CREB5: variants seen among roughly 807,000 people sequenced by gnomAD.
The protein encoded by CREB5 is cAMP responsive element binding protein 5.
Under a neutral mutation model 57.1 loss-of-function variants are expected in CREB5, and 19 were observed. The ratio of observed to expected loss-of-function variants is 0.33; its 90% CI spans 0.23 to 0.49. The LOEUF is 0.49. Ranked by LOEUF, CREB5 falls within the 20% of genes least tolerant of loss-of-function variation. CREB5 has a pLI of 0.99. For synonymous variants in CREB5, 238 were observed against 238.3 expected (o/e 1.00, Z 0.01); for missense variants, 579 against 671.6 (o/e 0.86, Z 1.52).
intron 1 of CREB5, among the ~76,000 whole-genome samples, chr7:28,302,778 A>C (rs1785119071): frequency 6.6e-6 from 1 of 152,200 alleles, no homozygotes; most frequent in African/African-American, 2.4e-5. Context: ...CCAATGTGGA[A>C]AATTACTTTA....
intron 1 of CREB5, among the ~76,000 whole-genome samples, chr7:28,366,320 A>T (rs1425467908): frequency 6.6e-6 from 1 of 152,202 alleles, no homozygotes; most frequent in Non-Finnish European, 1.5e-5. Flanking sequence ...AACATTATAG[A>T]TTACAAATTT....
At chr7:28,336,799 G>GT (rs897385784) in intron 1 of CREB5, among the ~76,000 whole-genome samples, 61 of 148,512 alleles carry the variant, frequency 4.1e-4, no homozygotes, top group African/African-American at 9.8e-4. Flanking sequence ...TTTCTTAGAA[G>GT]TTTTTTTTTT....
chr7:28,305,498 T>C (rs1017360133), intron 1 of CREB5, among the ~76,000 whole-genome samples: 3 of 152,236 alleles, frequency 2.0e-5, no homozygotes, highest in Admixed American at 2.0e-4. Context: ...CCCAGTGCTG[T>C]GGAGAAATGG....
chr7:28,789,629 T>C (rs1019542653), intron 7 of CREB5, among the ~76,000 whole-genome samples: 4 of 152,180 alleles, frequency 2.6e-5, no homozygotes, highest in African/African-American at 9.7e-5. Flanking sequence ...CAAAGAGCAA[T>C]GGAATAGAAA....
rs1386307746 is a variant in CREB5 at position 28,819,152 on chromosome 7, C to T, written c.1400C>T (p.Ala467Val). ...AGCCCTCCTGCTAGTCCTGTCCCAG[C>T]TTGCTCCCAGCAACAAGTCATCCAG... ...ESSPPASPVP[A>V]CSQQQVIQHN... The change falls in exon 11 of 11, where the codon GCT (alanine) becomes GTT (valine). Residue 467 changes from alanine to valine, a missense_variant. By Grantham distance (64) the Ala-to-Val change is moderately conservative (BLOSUM62 0). Coordinates refer to ENST00000357727, the MANE Select transcript of CREB5 (RefSeq NM_182898.4). 6.2e-7 allele frequency: 1 copy of T among 1,613,612 alleles called. No individual in the cohort carries two copies. The highest frequency in any genetic ancestry group is 8.5e-7 in the Non-Finnish European group (1 of 1,179,828).
chr7:28,790,867 C>A (rs1167630384), intron 7 of CREB5, among the ~76,000 whole-genome samples: 2 of 152,204 alleles, frequency 1.3e-5, no homozygotes, highest in African/African-American at 4.8e-5. Context: ...GAACTACCCA[C>A]TGCTAGACCT....
intron 1 of CREB5, among the ~76,000 whole-genome samples, chr7:28,474,678 T>TATTTAA (rs1201942954): frequency 1.3e-5 from 2 of 152,200 alleles, no homozygotes; most frequent in Non-Finnish European, 2.9e-5. Flanking sequence ...TTGATGTCAC[T>TATTTAA]ATTTAAATAA....
At chr7:28,309,479 C>T in intron 1 of CREB5, among the ~76,000 whole-genome samples, 1 of 152,144 alleles carries the variant, frequency 6.6e-6, no homozygotes, top group Non-Finnish European at 1.5e-5. Flanking sequence ...TATTTCCTTT[C>T]CAGGGATAGA....
At chr7:28,718,367 G>T (rs1802818952) in intron 5 of CREB5, among the ~76,000 whole-genome samples, 1 of 152,188 alleles carries the variant, frequency 6.6e-6, no homozygotes, top group Non-Finnish European at 1.5e-5. Flanking sequence ...GGAGAGCGTG[G>T]CTAAAATAAA....
intron 7 of CREB5, among the ~76,000 whole-genome samples, chr7:28,797,949 G>A (rs144945970): frequency 1.4e-3 from 137 of 95,242 alleles, no homozygotes; most frequent in African/African-American, 4.8e-3. Context: ...GATCAACTGT[G>A]TTTGGAAAGT....
chr7:28,747,587 A>G (rs1367919239), intron 7 of CREB5, among the ~76,000 whole-genome samples: 1 of 152,152 alleles, frequency 6.6e-6, no homozygotes, highest in Non-Finnish European at 1.5e-5. Context: ...CTGAGCAGAG[A>G]GTAGACACAC....
rs1583796119 is a variant in CREB5 at position 28,809,110 on chromosome 7, C to T, written c.1027-77C>T. The T allele has an allele frequency of 3.0e-6, 4 of 1,342,072 alleles. No individual in the cohort carries two copies. In the Admixed American group the frequency reaches 6.7e-5, roughly 23 times the overall value. 83.1% of individuals were successfully genotyped at this position (1,342,072 alleles called of 1,614,324 possible). A position where few individuals can be genotyped will look rare whatever the true frequency, so the allele number is the denominator to read the frequency against. On this transcript the variant is annotated intron_variant, in intron 8 of 10. Transcript: ENST00000357727. The stretch of plus-strand genomic sequence containing the variant: ...AGACTTTCTGTGCTTTGCTTTTTAA[C>T]ATCAGCTTGGGTTTCTTCCCTTACC...
chr7:28,550,565 C>T (rs1001094389), intron 4 of CREB5, among the ~76,000 whole-genome samples: 4 of 152,150 alleles, frequency 2.6e-5, no homozygotes, highest in Non-Finnish European at 5.9e-5. Flanking sequence ...GACTACTTTC[C>T]CTGCATCTCT....
intron 1 of CREB5, among the ~76,000 whole-genome samples, chr7:28,470,728 C>T (rs572350575): frequency 5.3e-5 from 8 of 152,238 alleles, no homozygotes; most frequent in African/African-American, 9.6e-5. Context: ...TCCACATCCT[C>T]GCCAGCATTT....
chr7:28,531,960 C>T (rs112961970), intron 4 of CREB5, among the ~76,000 whole-genome samples: 3,347 of 152,202 alleles, frequency 0.022, 98 homozygotes, highest in African/African-American at 0.075. Context: ...ACCCAGGAGG[C>T]GGAGGTTGCA....
At chr7:28,766,141 T>C (rs1475759206) in intron 7 of CREB5, among the ~76,000 whole-genome samples, 1 of 152,144 alleles carries the variant, frequency 6.6e-6, no homozygotes, top group Non-Finnish European at 1.5e-5. Flanking sequence ...TAGGGCATAA[T>C]GAGAACTCAT....
At chr7:28,341,866 C>T (rs1314802790) in intron 1 of CREB5, among the ~76,000 whole-genome samples, 1 of 152,140 alleles carries the variant, frequency 6.6e-6, no homozygotes, top group Non-Finnish European at 1.5e-5. Flanking sequence ...ACCTTTACCC[C>T]TTTCTTGAAA....
chr7:28,724,448 A>G, intron 7 of CREB5, 116 bp downstream of exon 7: 1 of 826,564 alleles, frequency 1.2e-6, no homozygotes, highest in South Asian at 1.5e-5. Context: ...GTTTTGGTGA[A>G]TGAAAGGCAG....
intron 5 of CREB5, among the ~76,000 whole-genome samples, chr7:28,678,386 C>CA (rs1228637434): frequency 1.4e-4 from 21 of 149,316 alleles, no homozygotes; most frequent in Non-Finnish European, 2.5e-4. Flanking sequence ...AGACTCTGCT[C>CA]AAAAAAAATA....
Sources: allele counts gnomAD v4.1 joint callset (sites outside exome capture counted in the v4.1 genomes callset), GRCh38; gene constraint gnomAD v4.1.1; transcripts MANE v1.5; gene names NCBI Gene and HGNC (gene_info 2026-07-23, HGNC 2026-07-21).